CFAP44: variants seen among roughly 807,000 people sequenced by gnomAD.
The protein encoded by CFAP44 is cilia- and flagella-associated protein 44.
In CFAP44, 134 loss-of-function variants were observed where a neutral mutation model predicts 216.2. The ratio of observed to expected loss-of-function variants is 0.62; its 90% confidence interval spans 0.54 to 0.72. CFAP44 has a LOEUF of 0.72. Ranked by LOEUF, CFAP44 falls within the 30% of genes least tolerant of loss-of-function variation. CFAP44 has a pLI of 0.00. For missense variants in CFAP44, 2,035 were observed against 2,182.1 expected (o/e 0.93, Z 1.34); for synonymous variants, 700 against 727.6 (o/e 0.96, Z 0.61).
At chr3:113,411,885 T>C (rs1407195187) in intron 6 of CFAP44, among the ~76,000 whole-genome samples, 2 of 151,636 alleles carry the variant, frequency 1.3e-5, no homozygotes, top group Non-Finnish European at 2.9e-5. Flanking sequence ...TTCCTAGGTA[T>C]TTTATTCTCT....
intron 10 of CFAP44, 94 bp downstream of exon 10, chr3:113,401,490 A>T: frequency 1.4e-6 from 2 of 1,439,566 alleles, no homozygotes; most frequent in Non-Finnish European, 1.9e-6. Flanking sequence ...TAACACTTAC[A>T]GTCAAATGGA....
intron 15 of CFAP44, among the ~76,000 whole-genome samples, chr3:113,392,817 T>C (rs930437752): frequency 6.6e-6 from 1 of 152,188 alleles, no homozygotes; most frequent in Non-Finnish European, 1.5e-5. Flanking sequence ...AGAGAAACTA[T>C]AATGAACTCC....
chr3:113,366,304 T>G lies in CFAP44; in HGVS notation c.2450A>C (p.Asn817Thr). The G allele has an allele frequency of 6.3e-7, 1 of 1,591,884 alleles. No homozygotes were observed. ...CATTCCACAAAACATCATAACTTTG[T>G]TAATGCTACGAAACAAAAAATGTAA... ...NPIQTITFNINKVMMFCGMKN... is the reference protein window; with the variant it reads ...NPIQTITFNITKVMMFCGMKN... Residue 817 changes from asparagine (N) to threonine (T), a missense_variant, in exon 19 of 35, where the codon AAC (asparagine) becomes ACC (threonine). Transcript: ENST00000393845.
At chr3:113,308,054 C>CT in intron 29 of CFAP44, 104 bp downstream of exon 29, 3 of 786,274 alleles carry the variant, frequency 3.8e-6, no homozygotes, top group East Asian at 2.7e-5. Flanking sequence ...TTGAACTATC[C>CT]TTTTTTTGAA....
chr3:113,381,045 G>T lies in CFAP44; in HGVS notation c.1906C>A (p.Leu636Ile). 6.4e-7 allele frequency: 1 copy of T among 1,563,472 alleles called. No homozygotes were observed. The highest frequency in any genetic ancestry group is 1.4e-5 in the African/African-American group (1 of 72,864). ...SPMSHPESTLLIICENGYILE... is the reference protein window; with the variant it reads ...SPMSHPESTLIIICENGYILE... ...ATATAGCCATTTTCACAGATAATTAGTAAAGTACTTTCAGGCTAAAAAAGA... is the reference window on the plus strand; with the variant it reads ...ATATAGCCATTTTCACAGATAATTATTAAAGTACTTTCAGGCTAAAAAAGA... Residue 636 changes from leucine to isoleucine, a missense_variant, in exon 16 of 35, where the codon CTA becomes ATA. Leu to Ile is a conservative substitution (Grantham distance 5, BLOSUM62 2). This residue lies in a region of CFAP44 where 1,883 missense variants were observed against 2,023.7 expected (regional missense o/e 0.93). Transcript: ENST00000393845.
intron 16 of CFAP44, among the ~76,000 whole-genome samples, chr3:113,380,540 CCCA>C (rs1426616968): frequency 2.0e-5 from 3 of 152,126 alleles, no homozygotes; most frequent in Non-Finnish European, 2.9e-5. Flanking sequence ...AAGCGATCCT[CCCA>C]CCTCAGCCTC....
chr3:113,296,061 C>A (rs568972634), intron 33 of CFAP44, among the ~76,000 whole-genome samples: 3 of 152,314 alleles, frequency 2.0e-5, no homozygotes, highest in African/African-American at 7.2e-5. Context: ...ACCATCCTCC[C>A]CGCTGCTGGA....
chr3:113,402,672 G>T (rs1159529913), intron 9 of CFAP44, among the ~76,000 whole-genome samples: 1 of 152,172 alleles, frequency 6.6e-6, no homozygotes, highest in East Asian at 1.9e-4. Context: ...TGGGAGTTGG[G>T]CTAGGTTTTT....
At chr3:113,391,394 AG>A (rs1383911286) in intron 15 of CFAP44, among the ~76,000 whole-genome samples, 1 of 152,178 alleles carries the variant, frequency 6.6e-6, no homozygotes, top group African/African-American at 2.4e-5. Flanking sequence ...AACAATTAAA[AG>A]AAAACATTGG....
chr3:113,328,696 TAAAAAAAAAAAAAA>T (rs58650082), intron 26 of CFAP44, among the ~76,000 whole-genome samples: 100 of 28,574 alleles, frequency 3.5e-3, no homozygotes, highest in South Asian at 4.3e-3. Context: ...TTAGAGAGCT[TAAAAAAAAAAAAAA>T]AAAAAAAAAA....
At chr3:113,392,390 C>A (rs925860343) in intron 15 of CFAP44, among the ~76,000 whole-genome samples, 1 of 147,268 alleles carries the variant, frequency 6.8e-6, no homozygotes, top group African/African-American at 2.5e-5. Flanking sequence ...TGATGGTCAA[C>A]AGCAGCTTAG....
chr3:113,418,462 C>G (rs73237143), intron 5 of CFAP44, among the ~76,000 whole-genome samples: 26,448 of 152,076 alleles, frequency 0.17, 3,042 homozygotes, highest in East Asian at 0.42. Context: ...TTCACCCTAC[C>G]TTTTCCAGGT....
chr3:113,387,524 G>C (rs977733860), intron 15 of CFAP44, among the ~76,000 whole-genome samples: 1 of 152,070 alleles, frequency 6.6e-6, no homozygotes, highest in Non-Finnish European at 1.5e-5. Context: ...CTTGGGCCCC[G>C]AATAATCAAC....
chr3:113,323,450 C>T (rs1173881684), intron 28 of CFAP44, among the ~76,000 whole-genome samples: 1 of 152,108 alleles, frequency 6.6e-6, no homozygotes, highest in Admixed American at 6.6e-5. Flanking sequence ...GAACAACAGA[C>T]ACTGCAGACT....
chr3:113,305,073 T>C lies in CFAP44; in HGVS notation c.4838A>G (p.Asn1613Ser), dbSNP rs191802371. 1.0e-3 allele frequency: 1,541 copies of C among 1,537,282 alleles called. 3 individuals carry two copies. The highest frequency in any genetic ancestry group is 1.1e-3 in the Non-Finnish European group (1,287 of 1,146,906). The change falls in exon 31 of 35, where the codon AAT (asparagine) becomes AGT (serine). Residue 1613 changes from asparagine to serine, a missense_variant. Around this residue, in one of 3 missense-constraint regions of CFAP44, gnomAD observed 1,883 missense variants for 2,023.7 expected, o/e 0.93. Transcript: ENST00000393845. ...AYQREKQQRL[N>S]ELLVVIPLKL... ...GAGCGGAATCACAACTAGCAGTTCA[T>C]TCAGCCGCTGCTGCTTCTCTCGCTG...
At chr3:113,400,504 A>C in intron 12 of CFAP44, 41 bp downstream of exon 12, 1 of 1,492,014 alleles carries the variant, frequency 6.7e-7, no homozygotes, top group Non-Finnish European at 9.0e-7. Context: ...AAATAAAACA[A>C]AACAAGGCCA....
chr3:113,338,012 C>T (rs1950295204), intron 24 of CFAP44, among the ~76,000 whole-genome samples: 1 of 151,834 alleles, frequency 6.6e-6, no homozygotes, highest in Admixed American at 6.6e-5. Flanking sequence ...CCTGTATTCC[C>T]AGCACTTTGG....
At chr3:113,325,662 C>G (rs541777046) in intron 28 of CFAP44, among the ~76,000 whole-genome samples, 1 of 152,130 alleles carries the variant, frequency 6.6e-6, no homozygotes, top group South Asian at 2.1e-4. Context: ...ACAGTTTTAA[C>G]ACAATTACTA....
intron 21 of CFAP44, among the ~76,000 whole-genome samples, chr3:113,359,708 T>C (rs1950520478): frequency 2.0e-5 from 3 of 152,140 alleles, no homozygotes; most frequent in South Asian, 4.1e-4. Context: ...AACCCATGAA[T>C]ATATTAAGAA....
Sources: allele counts gnomAD v4.1 joint callset (sites outside exome capture counted in the v4.1 genomes callset), GRCh38; gene constraint gnomAD v4.1.1; regional missense constraint gnomAD v4.1.1; transcripts MANE v1.5; gene names NCBI Gene and HGNC (gene_info 2026-07-23, HGNC 2026-07-21).